KCNQ3: variants seen among roughly 807,000 people sequenced by gnomAD.
The protein encoded by KCNQ3 is potassium voltage-gated channel subfamily KQT member 3.
Under a neutral mutation model 92.5 loss-of-function variants are expected in KCNQ3, and 30 were observed. That is an observed-to-expected ratio of 0.32 (90% CI 0.24 to 0.44). The LOEUF (loss-of-function observed/expected upper bound fraction) is 0.44, where lower values mean the gene tolerates loss of function less well. Among genes scored for constraint, KCNQ3 ranks in the 20% least tolerant of loss-of-function variants. KCNQ3 has a pLI of 1.00. For synonymous variants in KCNQ3, 450 were observed against 468.8 expected (o/e 0.96, Z 0.52); for missense variants, 913 against 1,140.3 (o/e 0.80, Z 2.87).
At chr8:132,430,827 G>C (rs1424552250) in intron 1 of KCNQ3, among the ~76,000 whole-genome samples, 1 of 152,162 alleles carries the variant, frequency 6.6e-6, no homozygotes, top group African/African-American at 2.4e-5. Flanking sequence ...GGTTCCGTTT[G>C]TCCTTCCTCA....
chr8:132,379,434 G>A (rs1274421489), intron 1 of KCNQ3, among the ~76,000 whole-genome samples: 1 of 151,950 alleles, frequency 6.6e-6, no homozygotes, highest in Non-Finnish European at 1.5e-5. Flanking sequence ...CACAATCACA[G>A]CCCTTAGGAC....
intron 1 of KCNQ3, among the ~76,000 whole-genome samples, chr8:132,437,912 A>T (rs1289840469): frequency 6.6e-6 from 1 of 152,206 alleles, no homozygotes; most frequent in South Asian, 2.1e-4. Context: ...CCCCAGGAAA[A>T]ATGATTTAAT....
At chr8:132,284,331 A>G (rs1010216791) in intron 1 of KCNQ3, among the ~76,000 whole-genome samples, 11 of 152,212 alleles carry the variant, frequency 7.2e-5, no homozygotes, top group African/African-American at 2.7e-4. Flanking sequence ...GTTATACCTC[A>G]GAAAGAAGAA....
rs375811116 is a variant in KCNQ3, at chr8:132,376,281, GTAGTTAAATTGA to G, written c.386+103854_386+103865del. 2.7e-3 allele frequency among the ~76,000 whole-genome samples: 413 copies of G among 152,256 alleles called. 1 individual carries two copies. Among genetic ancestry groups the G allele is most frequent in the African/African-American group, 9.6e-3 (397 of 41,542 alleles). On this transcript the variant is annotated intron_variant, in intron 1 of 14. Coordinates refer to ENST00000388996, the MANE Select transcript of KCNQ3 (RefSeq NM_004519.4). ...CTGATATTTCTCTTCTTGAAAAGTT[GTAGTTAAATTGA>G]CGGCCTATCTTCCAATCAGCAGCAT...
At chr8:132,459,285 C>T (rs543123442) in intron 1 of KCNQ3, among the ~76,000 whole-genome samples, 1 of 152,262 alleles carries the variant, frequency 6.6e-6, no homozygotes, top group South Asian at 2.1e-4. Context: ...ATTTAGTGTG[C>T]TACAAAGGAA....
At chr8:132,248,790 T>C (rs542125480) in intron 1 of KCNQ3, among the ~76,000 whole-genome samples, 95 of 152,208 alleles carry the variant, frequency 6.2e-4, no homozygotes, top group Non-Finnish European at 1.2e-3. Flanking sequence ...TCCAGCTGAA[T>C]TACTTTGTTT....
intron 1 of KCNQ3, among the ~76,000 whole-genome samples, chr8:132,461,927 A>C (rs1169215189): frequency 6.6e-6 from 1 of 152,134 alleles, no homozygotes; most frequent in East Asian, 1.9e-4. Flanking sequence ...CAAGCTCTTT[A>C]TCAGATAGGT....
chr8:132,409,748 G>A (rs538273534), intron 1 of KCNQ3, among the ~76,000 whole-genome samples: 1 of 152,324 alleles, frequency 6.6e-6, no homozygotes, highest in South Asian at 2.1e-4. Flanking sequence ...TTTAGAGTCA[G>A]TGCATATTGA....
At chr8:132,196,026 T>C (rs1304322806) in intron 1 of KCNQ3, among the ~76,000 whole-genome samples, 1 of 152,220 alleles carries the variant, frequency 6.6e-6, no homozygotes, top group Non-Finnish European at 1.5e-5. Context: ...AGATACCTAA[T>C]AGATCTCCAA....
chr8:132,180,769 T>A (rs4736408), intron 3 of KCNQ3, among the ~76,000 whole-genome samples: 59,267 of 151,112 alleles, frequency 0.39, 12,293 homozygotes, highest in East Asian at 0.48. Context: ...GGAACTTGGG[T>A]TCAAGTAATT....
At chr8:132,212,597 A>T (rs182620406) in intron 1 of KCNQ3, among the ~76,000 whole-genome samples, 3 of 151,992 alleles carry the variant, frequency 2.0e-5, no homozygotes, top group Non-Finnish European at 4.4e-5. Context: ...TCAAAGGCTC[A>T]TCAGGTCCAT....
At chr8:132,291,565 C>T (rs1816835791) in intron 1 of KCNQ3, among the ~76,000 whole-genome samples, 1 of 152,196 alleles carries the variant, frequency 6.6e-6, no homozygotes, top group African/African-American at 2.4e-5. Context: ...CCACGCTTAG[C>T]TCAGACAATA....
At chr8:132,455,099 T>C (rs968746134) in intron 1 of KCNQ3, among the ~76,000 whole-genome samples, 1 of 152,218 alleles carries the variant, frequency 6.6e-6, no homozygotes, top group African/African-American at 2.4e-5. Context: ...CACTGAACTA[T>C]ACACATAAAA....
At chr8:132,402,973 G>A (rs1027993046) in intron 1 of KCNQ3, among the ~76,000 whole-genome samples, 20 of 121,690 alleles carry the variant, frequency 1.6e-4, no homozygotes, top group East Asian at 1.0e-3. Flanking sequence ...AGCCAAGATC[G>A]TGCCACTGTA....
chr8:132,231,461 T>C (rs1047505371), intron 1 of KCNQ3, among the ~76,000 whole-genome samples: 2 of 152,172 alleles, frequency 1.3e-5, no homozygotes, highest in African/African-American at 4.8e-5. Context: ...AATATAGGGA[T>C]TTGGGGGGCA....
In KCNQ3 at chr8:132,480,282, C is replaced by A. The variant is rs781753428; in HGVS notation, c.251G>T (p.Gly84Val). The change falls in exon 1 of 15, where the codon GGC (glycine) becomes GTC (valine). Residue 84 changes from glycine to valine, a missense_variant. Gly to Val is a moderately radical substitution (Grantham distance 109, BLOSUM62 -3). This residue lies in a region of KCNQ3 where 183 missense variants were observed against 167.7 expected (regional missense o/e 1.09). Coordinates refer to ENST00000388996, the MANE Select transcript of KCNQ3 (RefSeq NM_004519.4). ...CGGGGTCTTGGCCAGGAGCCCGATG[C>A]CCTGCGGGGTCCTCCGCTGCCCCTC... is the stretch of plus-strand genomic sequence containing the variant. ...RDEGQRRTPQ[G>V]IGLLAKTPLS... 6 of 1,609,984 alleles carry A rather than the reference C, an allele frequency of 3.7e-6. No homozygotes were observed.
chr8:132,314,606 G>C (rs1817687241), intron 1 of KCNQ3, among the ~76,000 whole-genome samples: 1 of 152,198 alleles, frequency 6.6e-6, no homozygotes, highest in Admixed American at 6.5e-5. Context: ...CTATGTAACA[G>C]GAATTATTGA....
rs1491485945 is a variant in KCNQ3, at chr8:132,441,600, AAC to A, written c.386+38545_386+38546del. On this transcript the variant is annotated intron_variant, in intron 1 of 14. Coordinates refer to ENST00000388996, the MANE Select transcript of KCNQ3 (RefSeq NM_004519.4). ...ACAAAACAAAACAAACAAACAAACA[AAC>A]AAATATATATATATATATTCCTTTG... 1.4e-4 allele frequency among the ~76,000 whole-genome samples: 21 copies of A among 151,306 alleles called. 1 individual carries two copies. The East Asian group carries it at 1.6e-3, about 11-fold the overall frequency.
intron 1 of KCNQ3, among the ~76,000 whole-genome samples, chr8:132,435,334 C>T (rs559178900): frequency 6.6e-6 from 1 of 152,256 alleles, no homozygotes; most frequent in Non-Finnish European, 1.5e-5. Context: ...TGGGGTCGTT[C>T]CAGCAACTGA....
Sources: allele counts gnomAD v4.1 joint callset (sites outside exome capture counted in the v4.1 genomes callset), GRCh38; gene constraint gnomAD v4.1.1; regional missense constraint gnomAD v4.1.1; transcripts MANE v1.5; gene names NCBI Gene and HGNC (gene_info 2026-07-23, HGNC 2026-07-21).